The following ADAMTS10 variants were observed in gnomAD, a reference collection of about 807,000 sequenced individuals.
The protein encoded by ADAMTS10 is ADAM metallopeptidase with thrombospondin type 1 motif 10.
Under a neutral mutation model 135.9 loss-of-function variants are expected in ADAMTS10, and 48 were observed. The ratio of observed to expected loss-of-function variants is 0.35; its 90% CI spans 0.28 to 0.45. ADAMTS10 has a LOEUF of 0.45. Among genes scored for constraint, ADAMTS10 ranks in the 20% least tolerant of loss-of-function variants. The pLI, the probability that ADAMTS10 is intolerant of heterozygous loss-of-function variation, is 1.00. For missense variants in ADAMTS10, 1,131 were observed against 1,565.2 expected (o/e 0.72, Z 4.68); for synonymous variants, 621 against 647.5 (o/e 0.96, Z 0.62).
chr19:8,607,740 A>G (rs143527011), intron 2 of ADAMTS10, among the ~76,000 whole-genome samples: 513 of 151,964 alleles, frequency 3.4e-3, no homozygotes, highest in Non-Finnish European at 5.1e-3. Context: ...GCTCACTCAC[A>G]GATATTCTGT....
chr19:8,586,004 C>T lies in ADAMTS10; in HGVS notation c.2660+118G>A, dbSNP rs1387338084. On this transcript the variant is annotated intron_variant, in intron 22 of 25. Coordinates refer to ENST00000597188, the MANE Select transcript of ADAMTS10 (RefSeq NM_030957.4). ...ATAGAACCATCACTGCAGCACTCGG[C>T]CCACTGTCACTCCGACTCTGCACTA... The T allele has an allele frequency of 7.2e-6, 11 of 1,528,074 alleles. No homozygotes were observed. The East Asian group carries it at 2.6e-4, about 36-fold the overall frequency. 94.7% of individuals were successfully genotyped at this position (1,528,074 alleles called of 1,614,324 possible). A position where few individuals can be genotyped will look rare whatever the true frequency, so the allele number is the denominator to read the frequency against.
chr19:8,605,587 G>A lies in ADAMTS10; in HGVS notation c.88+36C>T, dbSNP rs782029846. On this transcript the variant is annotated intron_variant, in intron 3 of 25. Transcript: ENST00000597188. The surrounding 1 kb of genome is among the most constrained non-coding windows in gnomAD (Gnocchi z 7.7). ...GCCCAACTGGTCTCTTACATTTTTC[G>A]CTCCCTCCCCACCGCCACCACCAGA... The A allele has an allele frequency of 1.8e-5, 28 of 1,599,794 alleles. No individual in the cohort carries two copies. The highest frequency in any genetic ancestry group is 1.7e-4 in the South Asian group (15 of 89,440).
chr19:8,585,485 G>C lies in ADAMTS10; in HGVS notation c.2836C>G (p.Pro946Ala). The change falls in exon 23 of 26, where the codon CCG becomes GCG. Residue 946 changes from proline (P) to alanine (A), a missense_variant. Around this residue, in one of 3 missense-constraint regions of ADAMTS10, gnomAD observed 745 missense variants for 1,056.3 expected, o/e 0.71. Coordinates refer to ENST00000597188, the MANE Select transcript of ADAMTS10 (RefSeq NM_030957.4). ...GACCAGTCGAGGGCCGCCCACTCCG[G>C]AGGGCAAGTGGGGCCGTGGCAGGCC... Reference protein sequence around the residue: ...LEACHGPTCPPEWAALDWSEC... With the variant: ...LEACHGPTCPAEWAALDWSEC... 1 of 1,538,510 alleles carries C rather than the reference G, an allele frequency of 6.5e-7. No individual in the cohort carries two copies. The highest frequency in any genetic ancestry group is 8.8e-7 in the Non-Finnish European group (1 of 1,140,026).
intron 6 of ADAMTS10, among the ~76,000 whole-genome samples, chr19:8,597,553 C>T (rs764128638): frequency 1.1e-4 from 16 of 152,022 alleles, no homozygotes; most frequent in Non-Finnish European, 2.2e-4. Context: ...CCTGGCCTCC[C>T]ATAGGGCTGG....
intron 2 of ADAMTS10, among the ~76,000 whole-genome samples, 161 bp downstream of exon 2, chr19:8,607,973 G>A (rs1310042629): frequency 5.9e-5 from 9 of 152,024 alleles, no homozygotes; most frequent in East Asian, 1.9e-4. Context: ...ACCATGCCCA[G>A]CTAATTTTTG....
Position 8,589,904 on chromosome 19 carries a change from T to C in ADAMTS10, c.1885A>G (p.Lys629Glu). ...CCACACTCACCTCCCCGGTACGTTT[T>C]CCACTTGTAGAATTTCCCACGGAAA... ...IPFRGKFYKW[K>E]TYRGGGVKAC... Residue 629 changes from lysine (K) to glutamate (E), a missense_variant, in exon 16 of 26, where the codon AAA (lysine) becomes GAA (glutamate). Coordinates refer to ENST00000597188, the MANE Select transcript of ADAMTS10 (RefSeq NM_030957.4). 1 of 1,614,052 alleles carries C rather than the reference T, an allele frequency of 6.2e-7. No individual in the cohort carries two copies. The highest frequency in any genetic ancestry group is 8.5e-7 in the Non-Finnish European group (1 of 1,179,950).
chr19:8,587,914 G>A (rs2042460644), intron 18 of ADAMTS10, among the ~76,000 whole-genome samples: 1 of 134,196 alleles, frequency 7.5e-6, no homozygotes, highest in Non-Finnish European at 1.5e-5. Flanking sequence ...CTGTGTGACA[G>A]AGCGAGACCC....
rs2042326896 is a variant in ADAMTS10 at position 8,580,418 on chromosome 19, T to G, written c.*475A>C. On this transcript the variant is annotated 3_prime_UTR_variant, in exon 26 of 26. Transcript: ENST00000597188. The stretch of plus-strand genomic sequence containing the variant: ...TCCCCCTAGTCAGGTCAGGGGAGGG[T>G]GTCAGGGAGGTGGTGCTACCCCCCC... 5 of 155,026 alleles carry G rather than the reference T, an allele frequency of 3.2e-5. No homozygotes were observed. The highest frequency in any genetic ancestry group is 5.4e-5 in the Non-Finnish European group (4 of 74,254). 9.6% of individuals were successfully genotyped at this position (155,026 alleles called of 1,614,324 possible). A position where few individuals can be genotyped will look rare whatever the true frequency, so the allele number is the denominator to read the frequency against.
chr19:8,589,968 G>A lies in ADAMTS10; in HGVS notation c.1821C>T (p.Asp607=). 1 of 1,613,958 alleles carries A rather than the reference G, an allele frequency of 6.2e-7. No individual in the cohort carries two copies. The highest frequency in any genetic ancestry group is 1.3e-5 in the African/African-American group (1 of 75,060). ...NTDDCPPGSQ[D]FREVQCSEFD... is the part of the protein sequence containing the mutation. ...ATTCAGAACACTGCACTTCTCTGAA[G>A]TCCTGGGAGCCAGGGGGACAGTCCT... Residue 607 remains aspartate, a synonymous_variant, in exon 16 of 26, where the codon GAC becomes GAT. Coordinates refer to ENST00000597188, the MANE Select transcript of ADAMTS10 (RefSeq NM_030957.4).
intron 13 of ADAMTS10, 91 bp from the exon 14 acceptor site, chr19:8,592,194 G>C: frequency 6.2e-7 from 1 of 1,603,604 alleles, no homozygotes; most frequent in Non-Finnish European, 8.5e-7. Context: ...CCCAGCCAGA[G>C]ATATCAGCCT....
Position 8,596,977 on chromosome 19 carries a change from G to A in ADAMTS10, c.1040+10C>T, listed in dbSNP as rs1555740384. 1 of 1,612,478 alleles carries A rather than the reference G, an allele frequency of 6.2e-7. No homozygotes were observed. The highest frequency in any genetic ancestry group is 8.5e-7 in the Non-Finnish European group (1 of 1,179,916). On this transcript the variant is annotated intron_variant, in intron 8 of 25. Coordinates refer to ENST00000597188, the MANE Select transcript of ADAMTS10 (RefSeq NM_030957.4). The surrounding 1 kb of genome is among the most constrained non-coding windows in gnomAD (Gnocchi z 7.2). ...TCAGCCCCAGTCCTAGACCTCTCCTGTCCCCTCACCGTGTGATGAGCACTG... is the reference window on the plus strand; with the variant it reads ...TCAGCCCCAGTCCTAGACCTCTCCTATCCCCTCACCGTGTGATGAGCACTG...
rs1555740147 is a variant in ADAMTS10, at chr19:8,596,260, C to T, written c.1191-41G>A. 1 of 1,612,816 alleles carries T rather than the reference C, an allele frequency of 6.2e-7. No homozygotes were observed. Among genetic ancestry groups the T allele is most frequent in the East Asian group, 2.2e-5 (1 of 44,870 alleles). ...TCGGCTCTGCCGGGCGCTGAGGGACCCGCCCAGCTCCTCCCCTCCTCCCCC... is the reference window on the plus strand; with the variant it reads ...TCGGCTCTGCCGGGCGCTGAGGGACTCGCCCAGCTCCTCCCCTCCTCCCCC... On this transcript the variant is annotated intron_variant, in intron 10 of 25. Transcript: ENST00000597188. The surrounding 1 kb of genome is among the most constrained non-coding windows in gnomAD (Gnocchi z 7.2).
At chr19:8,599,686 C>T (rs540664250) in intron 6 of ADAMTS10, among the ~76,000 whole-genome samples, 327 of 151,602 alleles carry the variant, frequency 2.2e-3, no homozygotes, top group Non-Finnish European at 3.9e-3. Context: ...TTATAACCCA[C>T]TGCGTCTCAA....
In ADAMTS10 at chr19:8,596,995, G is replaced by A. The variant is rs1161254171; in HGVS notation, c.1032C>T (p.Leu344=). 6.2e-7 allele frequency: 1 copy of A among 1,613,538 alleles called. No individual in the cohort carries two copies. The highest frequency in any genetic ancestry group is 1.7e-5 in the Admixed American group (1 of 59,998). The change falls in exon 8 of 26, where the codon CTC becomes CTT. Residue 344 remains leucine, a synonymous_variant. Coordinates refer to ENST00000597188, the MANE Select transcript of ADAMTS10 (RefSeq NM_030957.4). This position sits in a 1 kb window ranked among gnomAD's most constrained non-coding sequence, Gnocchi z 7.2. The part of the protein sequence containing the change: ...NGVANHDTAV[L]ITRYDICIYK... ...CTCTCCTGTCCCCTCACCGTGTGAT[G>A]AGCACTGCTGTGTCATGGTTAGCCA...
At chr19:8,597,420 T>C in intron 6 of ADAMTS10, 103 bp from the exon 7 acceptor site, 1 of 1,038,234 alleles carries the variant, frequency 9.6e-7, no homozygotes, top group Non-Finnish European at 1.5e-6. Flanking sequence ...AGGCACCTAC[T>C]GTGTGTCGGG....
intron 1 of ADAMTS10, among the ~76,000 whole-genome samples, chr19:8,609,342 G>C (rs2042755949): frequency 6.6e-6 from 1 of 151,660 alleles, no homozygotes; most frequent in East Asian, 2.0e-4. Flanking sequence ...GCCAGGCCTG[G>C]AGGAGGAAAT....
At chr19:8,607,092 G>A (rs1218355661) in intron 2 of ADAMTS10, among the ~76,000 whole-genome samples, 2 of 152,100 alleles carry the variant, frequency 1.3e-5, no homozygotes, top group African/African-American at 4.8e-5. Flanking sequence ...TGGCATCAGA[G>A]GCACTTGAAG....
Position 8,585,294 on chromosome 19 carries a change from G to A in ADAMTS10, c.2880C>T (p.Cys960=). ...CCACGCGGTGGCGGAGGCCCGGCCC[G>A]CAGCTGGGGGTGCACTGCAGTTGGA... ...ALDWSECTPS[C]GPGLRHRVVL... The change falls in exon 24 of 26, where the codon TGC becomes TGT. Residue 960 remains cysteine (C), a synonymous_variant. Coordinates refer to ENST00000597188, the MANE Select transcript of ADAMTS10 (RefSeq NM_030957.4). 1 of 1,521,510 alleles carries A rather than the reference G, an allele frequency of 6.6e-7. No individual in the cohort carries two copies. The highest frequency in any genetic ancestry group is 8.8e-7 in the Non-Finnish European group (1 of 1,134,682). The allele number at this position is 1,521,510 out of a possible 1,614,324, so 94.3% of individuals were successfully genotyped here. A position where few individuals can be genotyped will look rare whatever the true frequency, so the allele number is the denominator to read the frequency against.
chr19:8,610,185 CCCA>C (rs1264531575), intron 1 of ADAMTS10, among the ~76,000 whole-genome samples: 3 of 151,932 alleles, frequency 2.0e-5, no homozygotes, highest in Non-Finnish European at 4.4e-5. Context: ...TAGACACCCC[CCCA>C]CACCAGACAC....
Sources: allele counts gnomAD v4.1 joint callset (sites outside exome capture counted in the v4.1 genomes callset), GRCh38; gene constraint gnomAD v4.1.1; regional missense constraint gnomAD v4.1.1; non-coding constraint Gnocchi (gnomAD v3.1); transcripts MANE v1.5; gene names NCBI Gene and HGNC (gene_info 2026-07-23, HGNC 2026-07-21).